MAMLD1: variants seen among roughly 807,000 people sequenced by gnomAD.
MAMLD1 encodes the protein mastermind like domain containing 1.
Under a neutral mutation model 45.0 loss-of-function variants are expected in MAMLD1, and 14 were observed. The observed-to-expected ratio is 0.31, with a 90% CI of 0.21 to 0.49. The LOEUF (loss-of-function observed/expected upper bound fraction) is 0.49, where lower values mean the gene tolerates loss of function less well. MAMLD1 is among the 20% of genes least tolerant of loss of function. The probability of loss-of-function intolerance (pLI) is 0.99; values close to 1 mark genes in which losing one functional copy is unlikely to be tolerated. For missense variants in MAMLD1, 543 were observed against 603.6 expected, an observed-to-expected ratio of 0.90 and a Z score of 1.05; for synonymous variants, 254 against 247.8, an observed-to-expected ratio of 1.02 and a Z score of -0.24.
chrX:150,462,961 A>T, intron 3 of MAMLD1, 115 bp downstream of exon 3: 1 of 582,927 alleles, frequency 1.7e-6, no homozygotes, highest in Non-Finnish European at 2.9e-6. Flanking sequence ...TAAGAGAGGC[A>T]GAGCCCAGGG....
chrX:150,430,660 G>T (rs2034906430), intron 1 of MAMLD1, among the ~76,000 whole-genome samples: 1 of 111,976 alleles, frequency 8.9e-6, no homozygotes, highest in East Asian at 2.8e-4. Flanking sequence ...AAGGTATAAG[G>T]TATAGATTGA....
At chrX:150,386,869 C>A (rs1252887334) in intron 1 of MAMLD1, among the ~76,000 whole-genome samples, 1 of 110,974 alleles carries the variant, frequency 9.0e-6, no homozygotes, top group Non-Finnish European at 1.9e-5. Flanking sequence ...AGGCAGATAT[C>A]CTTTCTTATC....
At chrX:150,374,991 C>T (rs782037821) in intron 1 of MAMLD1, among the ~76,000 whole-genome samples, 5 of 110,741 alleles carry the variant, frequency 4.5e-5, no homozygotes, top group African/African-American at 9.9e-5. Context: ...GAAGTGGGGT[C>T]GTGTCCTTTT....
intron 5 of MAMLD1, among the ~76,000 whole-genome samples, chrX:150,487,555 G>A (rs2037034008): frequency 8.9e-6 from 1 of 111,838 alleles, no homozygotes. Flanking sequence ...CTCCCTATGT[G>A]ACCCGGGTAT....
intron 1 of MAMLD1, among the ~76,000 whole-genome samples, chrX:150,396,564 T>C (rs782401817): frequency 1.5e-4 from 17 of 111,386 alleles, no homozygotes; most frequent in African/African-American, 4.6e-4. Flanking sequence ...AATTCTGTTC[T>C]TCTAAATTTG....
chrX:150,504,636 C>T (rs2037669218), intron 6 of MAMLD1: 1 of 641,937 alleles, frequency 1.6e-6, no homozygotes, highest in Non-Finnish European at 1.9e-6. Context: ...CTGTTTCCAC[C>T]CTGGTCTGCC....
intron 6 of MAMLD1, among the ~76,000 whole-genome samples, chrX:150,506,772 G>A (rs977436079): frequency 1.8e-5 from 2 of 112,771 alleles, no homozygotes; most frequent in Non-Finnish European, 3.7e-5. Flanking sequence ...TGAAGCTGGT[G>A]CAGTGCCTGG....
intron 1 of MAMLD1, among the ~76,000 whole-genome samples, chrX:150,439,952 A>T: frequency 9.0e-6 from 1 of 111,258 alleles, no homozygotes; most frequent in Non-Finnish European, 1.9e-5. Context: ...GTCTTAAAAA[A>T]AAAAAATGGA....
intron 1 of MAMLD1, among the ~76,000 whole-genome samples, chrX:150,440,323 GT>G (rs782520281): frequency 1.2e-3 from 123 of 102,467 alleles, no homozygotes; most frequent in East Asian, 8.4e-3. Context: ...GGTCTGCAGG[GT>G]TTTTTTTTTT....
At chrX:150,481,723 C>T (rs977080021) in intron 5 of MAMLD1, among the ~76,000 whole-genome samples, 6 of 107,261 alleles carry the variant, frequency 5.6e-5, no homozygotes, top group Admixed American at 1.0e-4. Context: ...TCAGCTACTC[C>T]GGAGGCTGAG....
chrX:150,362,483 G>C (rs192621860), upstream of MAMLD1, among the ~76,000 whole-genome samples: 1 of 104,608 alleles, frequency 9.6e-6, no homozygotes, highest in Non-Finnish European at 2.0e-5. Context: ...TCCCTTCATC[G>C]TGTCTCTACC....
intron 5 of MAMLD1, among the ~76,000 whole-genome samples, chrX:150,481,952 A>C (rs1293808036): frequency 2.0e-5 from 2 of 99,967 alleles, no homozygotes; most frequent in Non-Finnish European, 4.0e-5. Flanking sequence ...GAAAAAAGAA[A>C]GAAAGAAAGA....
chrX:150,513,228 A>AT lies in MAMLD1; in HGVS notation c.*1274dup, dbSNP rs2037954947. 5 of 476,028 alleles carry AT rather than the reference A, an allele frequency of 1.1e-5. No individual in the cohort carries two copies. Among genetic ancestry groups the AT allele is most frequent in the Non-Finnish European group, 1.7e-5 (5 of 294,085 alleles). The allele number at this position is 476,028 out of a possible 1,213,427, so 39.2% of individuals were successfully genotyped here. On this transcript the variant is annotated 3_prime_UTR_variant, in exon 8 of 8. Transcript: ENST00000370401. ...CCTGTGACAAAATGGAAAGCTGGTG[A>AT]TTTTTCAAGCTACGTGTACATATTT...
intron 2 of MAMLD1, among the ~76,000 whole-genome samples, chrX:150,449,054 G>A (rs928245707): frequency 7.2e-5 from 8 of 111,586 alleles, no homozygotes; most frequent in African/African-American, 1.3e-4. Flanking sequence ...ATTAAGAAGC[G>A]ACTCACTCTA....
intron 1 of MAMLD1, among the ~76,000 whole-genome samples, chrX:150,367,840 G>A (rs1603200596): frequency 9.0e-6 from 1 of 110,825 alleles, no homozygotes; most frequent in East Asian, 2.8e-4. Flanking sequence ...ATAGTTTGCT[G>A]AGAATGATGG....
chrX:150,403,196 C>G (rs1450068597), intron 1 of MAMLD1, among the ~76,000 whole-genome samples: 2 of 111,470 alleles, frequency 1.8e-5, no homozygotes, highest in Non-Finnish European at 3.8e-5. Flanking sequence ...TTTAAGAACC[C>G]AGACACAAGA....
chrX:150,431,479 T>A (rs1393094165), intron 1 of MAMLD1, among the ~76,000 whole-genome samples: 1 of 110,261 alleles, frequency 9.1e-6, no homozygotes, highest in Non-Finnish European at 1.9e-5. Context: ...AAATTGCATG[T>A]CACAGGGGTC....
chrX:150,393,719 C>T (rs1469671446), intron 1 of MAMLD1, among the ~76,000 whole-genome samples: 1 of 111,999 alleles, frequency 8.9e-6, no homozygotes, highest in Non-Finnish European at 1.9e-5. Context: ...TTCTTATTTG[C>T]CATTTGTGTA....
intron 1 of MAMLD1, among the ~76,000 whole-genome samples, chrX:150,418,418 T>C (rs1407749823): frequency 9.2e-6 from 1 of 108,851 alleles, no homozygotes; most frequent in African/African-American, 3.3e-5. Context: ...TTTTGAAGGG[T>C]TTTTGTGTCT....
Sources: allele counts gnomAD v4.1 joint callset (sites outside exome capture counted in the v4.1 genomes callset), GRCh38; gene constraint gnomAD v4.1.1; transcripts MANE v1.5; gene names NCBI Gene and HGNC (gene_info 2026-07-23, HGNC 2026-07-21).